The following SYNPR variants were observed in gnomAD, a reference collection of about 807,000 sequenced individuals.
The protein encoded by SYNPR is synaptoporin.
A neutral mutation model predicts 32.9 loss-of-function variants in SYNPR; 23 were observed. The ratio of observed to expected loss-of-function variants is 0.70; its 90% CI spans 0.50 to 0.99. SYNPR has a LOEUF of 0.99. Among genes scored for constraint, SYNPR ranks in the 50% least tolerant of loss-of-function variants. The pLI is 0.00. For missense variants in SYNPR, 318 were observed against 349.3 expected (o/e 0.91, Z 0.71); for synonymous variants, 146 against 135.9 (o/e 1.07, Z -0.52).
chr3:63,301,182 T>C (rs1267916367), intron 2 of SYNPR, among the ~76,000 whole-genome samples: 1 of 152,142 alleles, frequency 6.6e-6, no homozygotes, highest in African/African-American at 2.4e-5. Flanking sequence ...GTTACTTATC[T>C]GATATTTTGT....
At chr3:63,369,652 T>C (rs1418856517) in intron 2 of SYNPR, among the ~76,000 whole-genome samples, 2 of 152,234 alleles carry the variant, frequency 1.3e-5, no homozygotes, top group Non-Finnish European at 2.9e-5. Context: ...TTTTGCTGTC[T>C]TTGTGTTGTT....
rs147999071 is a variant in SYNPR at position 63,546,980 on chromosome 3, G to A, written c.210-9563G>A. Among the ~76,000 whole-genome samples the A allele has an allele frequency of 7.9e-5, 12 of 152,210 alleles. No homozygotes were observed. In the East Asian group the frequency reaches 1.4e-3, roughly 17 times the overall value. On this transcript the variant is annotated intron_variant, in intron 3 of 5. Transcript: ENST00000478300. ...GCTGCCTGGAAAATGCCATTTATCC[G>A]AAGATATGGAGTTCATCTCTTGAGT... is the stretch of plus-strand genomic sequence containing the variant.
At chr3:63,286,058 A>C (rs1325738337) in intron 2 of SYNPR, among the ~76,000 whole-genome samples, 1 of 152,216 alleles carries the variant, frequency 6.6e-6, no homozygotes, top group Non-Finnish European at 1.5e-5. Context: ...ACTCTGAGGT[A>C]GAAATTTGTA....
chr3:63,202,662 C>T, the SYNPR span, among the ~76,000 whole-genome samples: 1 of 152,262 alleles, frequency 6.6e-6, no homozygotes, highest in South Asian at 2.1e-4. Flanking sequence ...AACAGGTAAT[C>T]CCAACTATGT....
Position 63,477,033 on chromosome 3 carries a change from G to T in SYNPR, c.85-3799G>T, listed in dbSNP as rs573543939. ...GAGGTTTAGAGAAGTGAAGTGATTT[G>T]CCCGGTGTCACACAGCTAGGAAATG... On this transcript the variant is annotated intron_variant, in intron 2 of 5. Transcript: ENST00000478300. 4.6e-5 allele frequency among the ~76,000 whole-genome samples: 7 copies of T among 152,256 alleles called. No homozygotes were observed. In the South Asian group the frequency reaches 1.0e-3, roughly 23 times the overall value.
At chr3:63,228,595 T>C (rs904361194) in intron 1 of SYNPR, among the ~76,000 whole-genome samples, 1 of 152,214 alleles carries the variant, frequency 6.6e-6, no homozygotes, top group Admixed American at 6.5e-5. Context: ...TTCTTCTTCA[T>C]TTATTTTCTC....
At chr3:63,407,117 T>C (rs144067820) in intron 2 of SYNPR, among the ~76,000 whole-genome samples, 1 of 152,316 alleles carries the variant, frequency 6.6e-6, no homozygotes, top group East Asian at 1.9e-4. Flanking sequence ...AACATGTACC[T>C]GGTGGTGAAA....
intron 3 of SYNPR, among the ~76,000 whole-genome samples, chr3:63,488,458 T>C (rs1701197122): frequency 6.6e-6 from 1 of 152,172 alleles, no homozygotes; most frequent in Non-Finnish European, 1.5e-5. Flanking sequence ...AAATCCAAAC[T>C]CTGCTGCCTA....
At chr3:63,473,921 G>A (rs1700850660) in intron 2 of SYNPR, among the ~76,000 whole-genome samples, 1 of 152,174 alleles carries the variant, frequency 6.6e-6, no homozygotes, top group Non-Finnish European at 1.5e-5. Context: ...AGTAAAATGT[G>A]CCCACTCAGT....
intron 4 of SYNPR, among the ~76,000 whole-genome samples, chr3:63,563,435 C>T (rs1422527081): frequency 2.0e-5 from 3 of 152,154 alleles, no homozygotes. Context: ...CCAGCTACAC[C>T]TTTGTTTGAG....
At chr3:63,288,711 C>G (rs1161334544) in intron 2 of SYNPR, among the ~76,000 whole-genome samples, 4 of 152,198 alleles carry the variant, frequency 2.6e-5, no homozygotes, top group Non-Finnish European at 4.4e-5. Context: ...AGCTCTGGCC[C>G]TTTATGTTAG....
chr3:63,407,985 C>T lies in SYNPR; in HGVS notation c.85-72847C>T, dbSNP rs1038888392. Among the ~76,000 whole-genome samples, 5 of 151,856 alleles carry T rather than the reference C, an allele frequency of 3.3e-5. No individual in the cohort carries two copies. The South Asian group carries it at 6.2e-4, about 19-fold the overall frequency. On this transcript the variant is annotated intron_variant, in intron 2 of 5. Coordinates refer to ENST00000478300, the MANE Select transcript of SYNPR (RefSeq NM_001130003.2). Reference sequence around the variant, plus strand: ...GGCCATCTTTCTATTGAATGATTCACGGGCATCTTTAGAAAACTAGCTAGC... The same window carrying T: ...GGCCATCTTTCTATTGAATGATTCATGGGCATCTTTAGAAAACTAGCTAGC...
intron 2 of SYNPR, among the ~76,000 whole-genome samples, chr3:63,300,233 T>C (rs1443061441): frequency 6.6e-6 from 1 of 152,090 alleles, no homozygotes; most frequent in African/African-American, 2.4e-5. Flanking sequence ...AATTATACTT[T>C]GGCAATTGGC....
At chr3:63,540,100 T>C (rs961422564) in intron 3 of SYNPR, among the ~76,000 whole-genome samples, 5 of 152,176 alleles carry the variant, frequency 3.3e-5, no homozygotes, top group African/African-American at 9.6e-5. Context: ...TCATCAGTTA[T>C]AATAATAGTA....
intron 3 of SYNPR, among the ~76,000 whole-genome samples, chr3:63,523,064 C>G (rs1701944436): frequency 6.6e-6 from 1 of 151,886 alleles, no homozygotes; most frequent in African/African-American, 2.4e-5. Context: ...AGAAGTGGAC[C>G]CCTTCAGCAT....
At chr3:63,223,171 C>A in the SYNPR span, among the ~76,000 whole-genome samples, 1 of 151,998 alleles carries the variant, frequency 6.6e-6, no homozygotes, top group African/African-American at 2.4e-5. Flanking sequence ...ATTTCATTGG[C>A]AGAATCAGTC....
intron 3 of SYNPR, among the ~76,000 whole-genome samples, chr3:63,534,973 T>C (rs937594615): frequency 6.6e-6 from 1 of 152,064 alleles, no homozygotes; most frequent in Non-Finnish European, 1.5e-5. Context: ...GGGTATCAAA[T>C]TACAATATGA....
chr3:63,299,386 G>GT (rs1290666521), intron 2 of SYNPR, among the ~76,000 whole-genome samples: 2 of 151,844 alleles, frequency 1.3e-5, no homozygotes, highest in Non-Finnish European at 1.5e-5. Context: ...CACAATTTTT[G>GT]TTTTTTTGTT....
chr3:63,485,278 GT>G (rs1481016422), intron 3 of SYNPR, among the ~76,000 whole-genome samples: 2 of 152,068 alleles, frequency 1.3e-5, no homozygotes, highest in Non-Finnish European at 2.9e-5. Context: ...TGGAAAAGAA[GT>G]TGGATGACCC....
Sources: allele counts gnomAD v4.1 joint callset (sites outside exome capture counted in the v4.1 genomes callset), GRCh38; gene constraint gnomAD v4.1.1; transcripts MANE v1.5; gene names NCBI Gene and HGNC (gene_info 2026-07-23, HGNC 2026-07-21).